Variants in AP2B1 observed in about 807,000 individuals in gnomAD.
AP2B1 encodes adaptor related protein complex 2 subunit beta 1.
In AP2B1, 23 loss-of-function variants were observed where a neutral mutation model predicts 102.0. The ratio of observed to expected loss-of-function variants is 0.23; its 90% CI spans 0.16 to 0.32. The LOEUF is 0.32. AP2B1 is among the 10% of genes least tolerant of loss of function. The probability of loss-of-function intolerance (pLI) is 1.00; values close to 1 mark genes in which losing one functional copy is unlikely to be tolerated. For missense variants in AP2B1, 541 were observed against 1,157.4 expected (o/e 0.47, Z 7.73); for synonymous variants, 381 against 421.2 (o/e 0.90, Z 1.17).
intron 14 of AP2B1, among the ~76,000 whole-genome samples, chr17:35,664,647 T>C (rs909537182): frequency 5.9e-5 from 9 of 152,212 alleles, no homozygotes; most frequent in African/African-American, 2.2e-4. Context: ...ATTCATTCAT[T>C]CAATAAGTAA....
chr17:35,645,317 G>A (rs776312956), intron 12 of AP2B1, among the ~76,000 whole-genome samples: 3 of 152,054 alleles, frequency 2.0e-5, no homozygotes, highest in Non-Finnish European at 4.4e-5. Context: ...CTTTCATACT[G>A]CTTTTCTTCT....
intron 18 of AP2B1, among the ~76,000 whole-genome samples, chr17:35,691,556 C>T (rs587626354): frequency 8.5e-5 from 13 of 152,334 alleles, no homozygotes; most frequent in African/African-American, 3.1e-4. Flanking sequence ...CCAAGATCCA[C>T]AATTGAGGAC....
At chr17:35,599,592 A>G (rs2073409025) in intron 3 of AP2B1, among the ~76,000 whole-genome samples, 2 of 152,222 alleles carry the variant, frequency 1.3e-5, no homozygotes. Flanking sequence ...TTATGCATGG[A>G]TAAAAGATCT....
chr17:35,606,503 G>A (rs1292587306), intron 4 of AP2B1, among the ~76,000 whole-genome samples: 1 of 152,074 alleles, frequency 6.6e-6, no homozygotes, highest in African/African-American at 2.4e-5. Context: ...GCCTCACAAA[G>A]TGCTGGGGTT....
chr17:35,650,598 T>C lies in AP2B1; in HGVS notation c.1605T>C (p.Val535=), dbSNP rs148795632. The C allele has an allele frequency of 2.5e-6, 4 of 1,614,080 alleles. No homozygotes were observed. The African/African-American group carries it at 5.3e-5, about 22-fold the overall frequency. ...IYWRLLSTDP[V]TAKEVVLSEK... ...GGCGCCTTCTCTCAACTGACCCTGT[T>C]ACAGCTAAAGAAGTAGTCTTGTCTG... Residue 535 remains valine (V), a synonymous_variant, in exon 13 of 22, where the codon GTT becomes GTC. Coordinates refer to ENST00000610402, the MANE Select transcript of AP2B1 (RefSeq NM_001030006.2).
At chr17:35,679,215 G>C (rs2075765451) in intron 17 of AP2B1, among the ~76,000 whole-genome samples, 1 of 152,112 alleles carries the variant, frequency 6.6e-6, no homozygotes, top group Admixed American at 6.6e-5. Context: ...CTCTGGTGTA[G>C]CCACAGCTTC....
intron 2 of AP2B1, among the ~76,000 whole-genome samples, chr17:35,597,836 G>C (rs2073344391): frequency 6.6e-6 from 1 of 152,116 alleles, no homozygotes; most frequent in Non-Finnish European, 1.5e-5. Context: ...GCCGAGCGTG[G>C]GTAAATGAGG....
chr17:35,617,043 T>C (rs2074042421), intron 5 of AP2B1, among the ~76,000 whole-genome samples: 2 of 152,172 alleles, frequency 1.3e-5, no homozygotes, highest in South Asian at 4.1e-4. Flanking sequence ...CCCCTAATAA[T>C]AACAAACACA....
intron 11 of AP2B1, 110 bp downstream of exon 11, chr17:35,639,870 A>C: frequency 1.0e-6 from 1 of 977,040 alleles, no homozygotes; most frequent in East Asian, 2.6e-5. Context: ...TACATATAGT[A>C]TGTTCATTTT....
intron 21 of AP2B1, among the ~76,000 whole-genome samples, chr17:35,720,332 T>A (rs74397209): frequency 0.018 from 2,653 of 151,442 alleles, 52 homozygotes; most frequent in African/African-American, 0.049. Context: ...ATTGAAATGA[T>A]CCTTACTGAA....
At chr17:35,680,654 G>A (rs2075797457) in intron 17 of AP2B1, among the ~76,000 whole-genome samples, 1 of 151,274 alleles carries the variant, frequency 6.6e-6, no homozygotes, top group South Asian at 2.1e-4. Flanking sequence ...GGGATTACAG[G>A]CATGAGCCAC....
In AP2B1 at chr17:35,657,613, A is replaced by T; in HGVS notation, c.1811A>T (p.Asp604Val). 6.2e-7 allele frequency: 1 copy of T among 1,613,472 alleles called. No homozygotes were observed. Among genetic ancestry groups the T allele is most frequent in the Non-Finnish European group, 8.5e-7 (1 of 1,179,558 alleles). The change falls in exon 14 of 22, where the codon GAC becomes GTC. Residue 604 changes from aspartate to valine, a missense_variant. Coordinates refer to ENST00000610402, the MANE Select transcript of AP2B1 (RefSeq NM_001030006.2). ...TGTGACTTTAGCACTGATGCAGGTG[A>T]CAGCCCTGTTGGCACTACCACTGCA... ...PIHHGSTDAG[D>V]SPVGTTTATN...
chr17:35,691,205 A>G (rs144078568), intron 18 of AP2B1, among the ~76,000 whole-genome samples: 2 of 152,274 alleles, frequency 1.3e-5, no homozygotes, highest in African/African-American at 4.8e-5. Context: ...ACGATCTTAC[A>G]GTCCTGTTTA....
intron 14 of AP2B1, among the ~76,000 whole-genome samples, chr17:35,667,158 A>G (rs1008869585): frequency 2.6e-5 from 4 of 152,080 alleles, no homozygotes; most frequent in South Asian, 2.1e-4. Context: ...TCCTGCTGAC[A>G]TCTCCCTATT....
intron 18 of AP2B1, 101 bp downstream of exon 18, chr17:35,682,925 T>A: frequency 1.7e-6 from 2 of 1,164,326 alleles, no homozygotes; most frequent in Non-Finnish European, 2.3e-6. Context: ...TTGCCCAGGC[T>A]GGAGTGTAGT....
At chr17:35,681,701 C>T (rs58668451) in intron 17 of AP2B1, among the ~76,000 whole-genome samples, 2,487 of 152,152 alleles carry the variant, frequency 0.016, 67 homozygotes, top group African/African-American at 0.058. Context: ...CCACACCTGG[C>T]CTCAGGGTGG....
intron 18 of AP2B1, among the ~76,000 whole-genome samples, chr17:35,692,528 A>G (rs891839021): frequency 3.3e-5 from 5 of 152,322 alleles, no homozygotes; most frequent in Middle Eastern, 3.4e-3. Context: ...ATAAAAACCT[A>G]TATTATAGGT....
At chr17:35,617,168 A>AC (rs1462404507) in intron 5 of AP2B1, among the ~76,000 whole-genome samples, 10 of 152,086 alleles carry the variant, frequency 6.6e-5, no homozygotes, top group Non-Finnish European at 1.0e-4. Flanking sequence ...TAATTCTCCC[A>AC]CTTCAGCCTT....
At position 35,624,381 on chromosome 17, in the gene AP2B1, C is replaced by A. The variant is rs369824252; in HGVS notation, c.526-16C>A. 3.5e-5 allele frequency: 56 copies of A among 1,613,350 alleles called. No individual in the cohort carries two copies. The highest frequency in any genetic ancestry group is 4.5e-5 in the East Asian group (2 of 44,884). ...CTGTTCTTGGTGAATCAAGGTCATA[C>A]CCCCTTCTTTTCCAGGTGGTGGCTA... On this transcript the variant is annotated splice_polypyrimidine_tract_variant and intron_variant, in intron 5 of 21. Transcript: ENST00000610402.
Sources: allele counts gnomAD v4.1 joint callset (sites outside exome capture counted in the v4.1 genomes callset), GRCh38; gene constraint gnomAD v4.1.1; transcripts MANE v1.5; gene names NCBI Gene and HGNC (gene_info 2026-07-23, HGNC 2026-07-21).